The following CSMD1 variants were observed in gnomAD, a reference collection of about 807,000 sequenced individuals.
The protein encoded by CSMD1 is CUB and sushi domain-containing protein 1.
CSMD1 carries 213 observed loss-of-function variants against 417.5 expected under a neutral mutation model. The ratio of observed to expected loss-of-function variants is 0.51; its 90% confidence interval spans 0.46 to 0.57. CSMD1 has a LOEUF of 0.57. Ranked by LOEUF, CSMD1 falls within the 20% of genes least tolerant of loss-of-function variation. The pLI, the probability that CSMD1 is intolerant of heterozygous loss-of-function variation, is 0.00. For missense variants in CSMD1, 6,923 were observed against 4,529.7 expected, an observed-to-expected ratio of 1.53 and a Z score of -15.17; for synonymous variants, 2,862 against 1,736.8, an observed-to-expected ratio of 1.65 and a Z score of -16.11.
chr8:3,005,407 C>A (rs546619129), intron 52 of CSMD1, among the ~76,000 whole-genome samples: 2 of 152,174 alleles, frequency 1.3e-5, no homozygotes. Flanking sequence ...ACGGAATCCT[C>A]CCTAACTCAT....
chr8:3,270,152 C>A (rs555818864), intron 26 of CSMD1, among the ~76,000 whole-genome samples: 1 of 149,942 alleles, frequency 6.7e-6, no homozygotes, highest in Non-Finnish European at 1.5e-5. Flanking sequence ...CGGGTTCAAG[C>A]GATTCTCCTA....
At chr8:4,495,807 C>T (rs1036823569) in intron 2 of CSMD1, among the ~76,000 whole-genome samples, 6 of 152,170 alleles carry the variant, frequency 3.9e-5, no homozygotes, top group African/African-American at 9.7e-5. Context: ...TTCTAGCTAA[C>T]ATTTGTCATA....
chr8:3,195,108 G>A (rs1326680116), intron 33 of CSMD1, among the ~76,000 whole-genome samples: 1 of 152,158 alleles, frequency 6.6e-6, no homozygotes, highest in East Asian at 1.9e-4. Context: ...ATTCTATGTT[G>A]AAACAAATTA....
chr8:3,830,681 A>AG (rs1802326554), intron 5 of CSMD1, among the ~76,000 whole-genome samples: 1 of 152,156 alleles, frequency 6.6e-6, no homozygotes, highest in Non-Finnish European at 1.5e-5. Context: ...GAAAACAGAG[A>AG]GAAAAAAAAT....
At chr8:3,038,725 T>C (rs1198704605) in intron 50 of CSMD1, among the ~76,000 whole-genome samples, 2 of 152,170 alleles carry the variant, frequency 1.3e-5, no homozygotes, top group Admixed American at 6.5e-5. Flanking sequence ...TCTTTCCTAA[T>C]TGCCCTAATT....
chr8:4,174,632 G>A (rs578053689), intron 3 of CSMD1, among the ~76,000 whole-genome samples: 1 of 147,024 alleles, frequency 6.8e-6, no homozygotes, highest in African/African-American at 2.6e-5. Context: ...CAAACTCTAA[G>A]ACCTGGGAAT....
chr8:3,863,429 C>T (rs1181892469), intron 5 of CSMD1, among the ~76,000 whole-genome samples: 9 of 149,962 alleles, frequency 6.0e-5, no homozygotes, highest in Non-Finnish European at 1.0e-4. Context: ...TAATACCATT[C>T]ATGTGGGTAG....
intron 5 of CSMD1, among the ~76,000 whole-genome samples, chr8:3,989,483 G>A (rs1270473740): frequency 6.6e-6 from 1 of 152,112 alleles, no homozygotes; most frequent in East Asian, 1.9e-4. Context: ...CAAAAAACCT[G>A]GATTCTCTTC....
At chr8:4,957,115 G>C (rs1354284565) in intron 1 of CSMD1, among the ~76,000 whole-genome samples, 1 of 152,174 alleles carries the variant, frequency 6.6e-6, no homozygotes, top group Non-Finnish European at 1.5e-5. Context: ...AATAAATCAT[G>C]AAGAGTAATA....
At chr8:3,869,820 C>G (rs538610806) in intron 5 of CSMD1, among the ~76,000 whole-genome samples, 7 of 152,056 alleles carry the variant, frequency 4.6e-5, no homozygotes, top group Non-Finnish European at 8.8e-5. Flanking sequence ...TCCGTATCAA[C>G]TGCCACTTAA....
chr8:3,127,429 G>C (rs755392065), intron 41 of CSMD1: 1 of 152,178 alleles, frequency 6.6e-6, no homozygotes, highest in African/African-American at 2.4e-5. Context: ...TTGTATACAA[G>C]CAACAGTTTG....
Position 3,209,997 on chromosome 8 carries a change from G to A in CSMD1, c.4868-4377C>T, listed in dbSNP as rs1206120297. ...ACAATTCTACAAAAAACTTCAATAA[G>A]CAAAATTTGTAGGTAATAGACGAAT... On this transcript the variant is annotated intron_variant, in intron 30 of 69. Coordinates refer to ENST00000635120, the MANE Select transcript of CSMD1 (RefSeq NM_033225.6). 2.6e-5 allele frequency among the ~76,000 whole-genome samples: 4 copies of A among 152,234 alleles called. No homozygotes were observed. The East Asian group carries it at 7.7e-4, about 29-fold the overall frequency.
chr8:4,868,509 G>C (rs1279928081), intron 1 of CSMD1, among the ~76,000 whole-genome samples: 2 of 151,848 alleles, frequency 1.3e-5, no homozygotes, highest in Admixed American at 6.6e-5. Flanking sequence ...GTGCTAAAAT[G>C]ACAGTCGTAT....
At chr8:3,820,908 G>C (rs1220826697) in intron 5 of CSMD1, among the ~76,000 whole-genome samples, 3 of 151,890 alleles carry the variant, frequency 2.0e-5, no homozygotes, top group Non-Finnish European at 4.4e-5. Flanking sequence ...CTGCCTGAGG[G>C]TGTTCTATCT....
intron 3 of CSMD1, among the ~76,000 whole-genome samples, chr8:4,342,924 T>A (rs1229336906): frequency 6.6e-6 from 1 of 152,072 alleles, no homozygotes; most frequent in South Asian, 2.1e-4. Context: ...TTCCAAGATA[T>A]GCTGCACACT....
At chr8:3,627,203 G>C (rs186536653) in intron 7 of CSMD1, among the ~76,000 whole-genome samples, 117 of 152,244 alleles carry the variant, frequency 7.7e-4, no homozygotes, top group Non-Finnish European at 1.3e-3. Context: ...ATATTTTGCA[G>C]ACGCAAAATT....
intron 62 of CSMD1, among the ~76,000 whole-genome samples, chr8:2,958,587 C>A (rs112840629): frequency 1.4e-4 from 21 of 152,258 alleles, no homozygotes; most frequent in African/African-American, 4.8e-4. Context: ...TTGAGGGGCA[C>A]CAAAGATCAT....
chr8:3,708,518 G>C (rs777595969), intron 6 of CSMD1, 27 bp from the exon 7 acceptor site: 19 of 1,599,506 alleles, frequency 1.2e-5, no homozygotes, highest in Non-Finnish European at 1.5e-5. Context: ...CAAGCCATTA[G>C]CAGGTAAGAC....
chr8:3,950,286 A>C (rs1000609885), intron 5 of CSMD1, among the ~76,000 whole-genome samples: 6 of 152,206 alleles, frequency 3.9e-5, no homozygotes, highest in African/African-American at 1.4e-4. Flanking sequence ...TTATCAAAAT[A>C]AAAGAACCTA....
Sources: allele counts gnomAD v4.1 joint callset (sites outside exome capture counted in the v4.1 genomes callset), GRCh38; gene constraint gnomAD v4.1.1; transcripts MANE v1.5; gene names NCBI Gene and HGNC (gene_info 2026-07-23, HGNC 2026-07-21).